The following APP variants were observed in gnomAD, a reference collection of about 807,000 sequenced individuals.
APP encodes the protein amyloid-beta precursor protein.
A neutral mutation model predicts 101.4 loss-of-function variants in APP; 31 were observed. The observed-to-expected ratio is 0.31, with a 90% confidence interval of 0.23 to 0.41. The LOEUF (loss-of-function observed/expected upper bound fraction) is 0.41, where lower values mean the gene tolerates loss of function less well. Among genes scored for constraint, APP ranks in the 10% least tolerant of loss-of-function variants. The pLI is 1.00. For synonymous variants in APP, 366 were observed against 364.4 expected (o/e 1.00, Z -0.05); for missense variants, 839 against 1,003.7 (o/e 0.84, Z 2.22).
chr21:25,962,863 A>G (rs1290512582), intron 11 of APP, among the ~76,000 whole-genome samples: 2 of 152,188 alleles, frequency 1.3e-5, no homozygotes, highest in African/African-American at 4.8e-5. Context: ...GCTGGAGTGC[A>G]GTGGTGCACC....
intron 13 of APP, among the ~76,000 whole-genome samples, chr21:25,936,553 AAAG>A (rs898996653): frequency 5.3e-5 from 8 of 152,310 alleles, no homozygotes; most frequent in South Asian, 2.1e-4. Context: ...CAACAAAACA[AAAG>A]AAGAAGAGGA....
chr21:26,167,938 T>C (rs1601612714), intron 1 of APP, among the ~76,000 whole-genome samples: 2 of 152,208 alleles, frequency 1.3e-5, no homozygotes, highest in African/African-American at 4.8e-5. Context: ...ACCTGAGCTT[T>C]ACTATTCTGT....
chr21:25,948,446 T>A (rs1406388613), intron 13 of APP, among the ~76,000 whole-genome samples: 2 of 152,198 alleles, frequency 1.3e-5, no homozygotes, highest in South Asian at 2.1e-4. Flanking sequence ...CATCCTTTCA[T>A]TATTGCGAAT....
chr21:25,964,363 A>C (rs1358657772), intron 11 of APP, among the ~76,000 whole-genome samples: 2 of 152,192 alleles, frequency 1.3e-5, no homozygotes, highest in East Asian at 3.9e-4. Context: ...ACTTTCAATG[A>C]ATCCTTTTGA....
chr21:25,940,169 A>G (rs1336501328), intron 13 of APP, among the ~76,000 whole-genome samples: 1 of 152,162 alleles, frequency 6.6e-6, no homozygotes, highest in African/African-American at 2.4e-5. Flanking sequence ...GATGTAAACT[A>G]AACAGGAGTC....
chr21:25,892,006 T>A (rs1358496346), intron 16 of APP, 138 bp from the exon 17 acceptor site: 1 of 815,858 alleles, frequency 1.2e-6, no homozygotes, highest in Non-Finnish European at 1.9e-6. Flanking sequence ...TTCAGTATAT[T>A]CTCTGCCCAA....
At chr21:26,132,050 T>A (rs1288823353) in intron 1 of APP, among the ~76,000 whole-genome samples, 1 of 152,118 alleles carries the variant, frequency 6.6e-6, no homozygotes, top group Admixed American at 6.6e-5. Flanking sequence ...GTTAATTTTG[T>A]AAACAGAGTC....
At chr21:26,077,472 T>C (rs1490313250) in intron 3 of APP, among the ~76,000 whole-genome samples, 1 of 152,220 alleles carries the variant, frequency 6.6e-6, no homozygotes, top group Non-Finnish European at 1.5e-5. Context: ...GGCTTTTCTT[T>C]GTCTACAGTT....
intron 1 of APP, among the ~76,000 whole-genome samples, chr21:26,140,888 C>T (rs1271421893): frequency 1.3e-5 from 2 of 152,134 alleles, no homozygotes; most frequent in African/African-American, 2.4e-5. Flanking sequence ...TCTTTTCCAA[C>T]GTTAAAACAA....
intron 13 of APP, among the ~76,000 whole-genome samples, chr21:25,936,282 C>T (rs1474383239): frequency 0.031 from 4 of 130 alleles, no homozygotes; most frequent in African/African-American, 0.1. Context: ...AGGCCGGGTG[C>T]GGGGCTCACG....
At chr21:26,036,519 G>C (rs111288772) in intron 5 of APP, among the ~76,000 whole-genome samples, 3 of 152,158 alleles carry the variant, frequency 2.0e-5, no homozygotes, top group African/African-American at 2.4e-5. Flanking sequence ...GTATTCTGCT[G>C]GGCAGGTAAA....
chr21:26,072,862 C>T (rs973883650), intron 3 of APP, among the ~76,000 whole-genome samples: 1 of 152,144 alleles, frequency 6.6e-6, no homozygotes, highest in Non-Finnish European at 1.5e-5. Flanking sequence ...AAATGGTACT[C>T]AGCAATAAGC....
intron 15 of APP, among the ~76,000 whole-genome samples, chr21:25,903,096 G>A (rs1601345775): frequency 0.021 from 1 of 48 alleles, no homozygotes; most frequent in East Asian, 0.5. Flanking sequence ...GGCCGGGCAT[G>A]GTGCTTATGC....
chr21:26,170,469 C>T (rs1046396467), intron 1 of APP, 95 bp downstream of exon 1: 14 of 1,336,974 alleles, frequency 1.0e-5, no homozygotes, highest in Non-Finnish European at 1.4e-5. Flanking sequence ...GACGGACCCC[C>T]GGCTTCTCTG....
intron 3 of APP, among the ~76,000 whole-genome samples, chr21:26,088,332 C>T (rs1318021067): frequency 6.6e-6 from 1 of 152,178 alleles, no homozygotes; most frequent in African/African-American, 2.4e-5. Context: ...GAATATGAAG[C>T]AGAAAAATCT....
chr21:26,039,993 A>T (rs1365949834), intron 5 of APP, among the ~76,000 whole-genome samples: 1 of 152,124 alleles, frequency 6.6e-6, no homozygotes, highest in Non-Finnish European at 1.5e-5. Flanking sequence ...CAGATTTCAG[A>T]TTTTTTTCAA....
At chr21:25,954,175 T>A (rs1291986316) in intron 13 of APP, among the ~76,000 whole-genome samples, 1 of 152,196 alleles carries the variant, frequency 6.6e-6, no homozygotes, top group Non-Finnish European at 1.5e-5. Context: ...GTTACTCAAA[T>A]TTTAAGTTTG....
chr21:25,978,247 T>G (rs2042295220), intron 9 of APP, among the ~76,000 whole-genome samples: 1 of 152,186 alleles, frequency 6.6e-6, no homozygotes, highest in South Asian at 2.1e-4. Flanking sequence ...ACCTGCACCA[T>G]CCCACTAAGA....
chr21:26,011,626 A>G (rs1403503765), intron 6 of APP, among the ~76,000 whole-genome samples: 1 of 152,166 alleles, frequency 6.6e-6, no homozygotes, highest in African/African-American at 2.4e-5. Flanking sequence ...ACCCTGCCAT[A>G]GCCCAAGCAA....
Sources: gnomAD v4.1 joint callset for allele counts (sites outside exome capture counted in the v4.1 genomes callset) on GRCh38, gnomAD v4.1.1 for gene constraint, MANE v1.5 for transcripts, NCBI Gene and HGNC (gene_info 2026-07-23, HGNC 2026-07-21) for gene names.